PCOLCE: variants seen among roughly 807,000 people sequenced by gnomAD.
PCOLCE encodes procollagen C-endopeptidase enhancer 1.
PCOLCE carries 33 observed loss-of-function variants against 47.2 expected under a neutral mutation model. That is an observed-to-expected ratio of 0.70 (90% CI 0.53 to 0.93). The LOEUF (loss-of-function observed/expected upper bound fraction) is 0.93, where lower values mean the gene tolerates loss of function less well. PCOLCE is among the 40% of genes least tolerant of loss of function. The pLI is 0.00. For synonymous variants in PCOLCE, 254 were observed against 252.5 expected (o/e 1.01, Z -0.06); for missense variants, 584 against 585.3 (o/e 1.00, Z 0.02).
chr7:100,605,477 C>T lies in PCOLCE; in HGVS notation c.589-199C>T. 1.4e-6 allele frequency: 1 copy of T among 708,406 alleles called. No individual in the cohort carries two copies. Among genetic ancestry groups the T allele is most frequent in the Non-Finnish European group, 2.3e-6 (1 of 434,940 alleles). The allele number at this position is 708,406 out of a possible 1,614,324, so 43.9% of individuals were successfully genotyped here. On this transcript the variant is annotated intron_variant, in intron 4 of 8. Transcript: ENST00000223061. The surrounding 1 kb of genome is among the most constrained non-coding windows in gnomAD (Gnocchi z 6.1). The stretch of plus-strand genomic sequence containing the variant: ...GTGAGTGCGCCAGGACTTGACCTTG[C>T]CAACCACGACGACCGACACCCCTGC...
chr7:100,602,566 A>G lies in PCOLCE; in HGVS notation c.95+15A>G. 1 of 1,516,964 alleles carries G rather than the reference A, an allele frequency of 6.6e-7. No homozygotes were observed. Among genetic ancestry groups the G allele is most frequent in the East Asian group, 2.3e-5 (1 of 44,440 alleles). 94.0% of individuals were successfully genotyped at this position (1,516,964 alleles called of 1,614,324 possible). ...AACTACACCAGGTAGGTCTCTTGGC[A>G]TCTTCCAGACAGCTCCAGTGAACTT... On this transcript the variant is annotated intron_variant, in intron 1 of 8. Transcript: ENST00000223061.
chr7:100,607,964 T>C lies in PCOLCE; in HGVS notation c.1211T>C (p.Val404Ala), dbSNP rs868234072. The C allele has an allele frequency of 2.5e-6, 4 of 1,613,956 alleles. No individual in the cohort carries two copies. The highest frequency in any genetic ancestry group is 1.6e-4 in the Middle Eastern group (1 of 6,082). The change falls in exon 9 of 9, where the codon GTA becomes GCA. Residue 404 changes from valine (V) to alanine (A), a missense_variant. Physicochemically the swap from Val to Ala is moderately conservative, Grantham distance 64. Coordinates refer to ENST00000223061, the MANE Select transcript of PCOLCE (RefSeq NM_002593.4). ...KGVSYLLMGQ[V>A]EENRGPVLPP... ...GTCAGTTATCTGCTGATGGGCCAGG[T>C]AGAAGAGAACAGAGGCCCCGTCCTT...
In PCOLCE at chr7:100,604,296, GC is replaced by G; in HGVS notation, c.463+83del. ...AGCCCCGCCCCCAGCCCTAACCTCC[GC>G]CCCGCCCACCCCGCGCCCCAGTGCC... On this transcript the variant is annotated intron_variant, in intron 3 of 8. Transcript: ENST00000223061. The surrounding 1 kb of genome is among the most constrained non-coding windows in gnomAD (Gnocchi z 6.4). 8.2e-7 allele frequency: 1 copy of G among 1,215,634 alleles called. No individual in the cohort carries two copies. Among genetic ancestry groups the G allele is most frequent in the Non-Finnish European group, 1.1e-6 (1 of 928,356 alleles). The allele number at this position is 1,215,634 out of a possible 1,614,324, so 75.3% of individuals were successfully genotyped here.
At position 100,603,502 on chromosome 7, in the gene PCOLCE, C is replaced by G. The variant is rs559971460; in HGVS notation, c.168C>G (p.Leu56=). The G allele has an allele frequency of 7.6e-5, 121 of 1,602,626 alleles. No homozygotes were observed. The South Asian group carries it at 1.2e-3, about 16-fold the overall frequency. Residue 56 remains leucine (L), a synonymous_variant, in exon 2 of 9, where the codon CTC becomes CTG. Transcript: ENST00000223061. Reference sequence around the variant, plus strand: ...TGGCAAGTGAGGGGTTCCCCAACCTCTACCCCCCTAATAAGGAGTGCATCT... The same window carrying G: ...TGGCAAGTGAGGGGTTCCCCAACCTGTACCCCCCTAATAAGGAGTGCATCT... ...GYVASEGFPN[L]YPPNKECIWT... is the part of the protein sequence containing the mutation.
At chr7:100,606,811 G>C (rs953363715) in intron 6 of PCOLCE, among the ~76,000 whole-genome samples, 181 bp downstream of exon 6, 1 of 152,010 alleles carries the variant, frequency 6.6e-6, no homozygotes, top group Admixed American at 6.6e-5. Context: ...AAAAAATTAG[G>C]CTGGGCTGGT....
Position 100,607,590 on chromosome 7 carries a change from A to T in PCOLCE, c.1013-47A>T, listed in dbSNP as rs556657948. ...TCCTGCTTCTGTTTCCAGTCCTGCC[A>T]TCTGGAACCTCCCATCTCCTCATCT... On this transcript the variant is annotated intron_variant, in intron 7 of 8. Transcript: ENST00000223061. 8.5e-5 allele frequency: 136 copies of T among 1,606,296 alleles called. No individual in the cohort carries two copies. In the Admixed American group the frequency reaches 2.2e-3, roughly 25 times the overall value.
chr7:100,608,099 A>C lies in PCOLCE; in HGVS notation c.1346A>C (p.Asp449Ala). Residue 449 changes from aspartate (D) to alanine (A), a missense_variant, in exon 9 of 9, where the codon GAC (aspartate) becomes GCC (alanine). Coordinates refer to ENST00000223061, the MANE Select transcript of PCOLCE (RefSeq NM_002593.4). Reference protein sequence around the residue: ...SQPVRAAASQD With the variant: ...SQPVRAAASQA ...CCTGTGCGGGCTGCTGCGTCCCAGG[A>C]CTGAGACGCAGGCCAGCCCCGGCCC... 6.2e-7 allele frequency: 1 copy of C among 1,613,198 alleles called. No individual in the cohort carries two copies. The highest frequency in any genetic ancestry group is 8.5e-7 in the Non-Finnish European group (1 of 1,179,620).
chr7:100,603,607 A>ACCCCCCCCCC, intron 2 of PCOLCE, 69 bp downstream of exon 2: 1 of 543,272 alleles, frequency 1.8e-6, no homozygotes, highest in Non-Finnish European at 3.2e-6. Context: ...CTGCGAAGGG[A>ACCCCCCCCCC]CCCCCCCCCC....
chr7:100,605,370 C>A lies in PCOLCE; in HGVS notation c.588+155C>A. The A allele has an allele frequency of 1.3e-6, 1 of 767,160 alleles. No individual in the cohort carries two copies. Among genetic ancestry groups the A allele is most frequent in the Non-Finnish European group, 2.1e-6 (1 of 482,518 alleles). The allele number at this position is 767,160 out of a possible 1,614,324, so 47.5% of individuals were successfully genotyped here. On this transcript the variant is annotated intron_variant, in intron 4 of 8. Transcript: ENST00000223061. This position sits in a 1 kb window ranked among gnomAD's most constrained non-coding sequence, Gnocchi z 6.1. ...GCCCCAACCCCTGCATGCACGCAAACAAAAATGTAAAAATTACAACTGAGA... is the reference window on the plus strand; with the variant it reads ...GCCCCAACCCCTGCATGCACGCAAAAAAAAATGTAAAAATTACAACTGAGA...
Position 100,605,862 on chromosome 7 carries a change from G to C in PCOLCE, c.725+50G>C. 1.3e-6 allele frequency: 2 copies of C among 1,532,972 alleles called. No individual in the cohort carries two copies. The highest frequency in any genetic ancestry group is 1.8e-6 in the Non-Finnish European group (2 of 1,134,260). 95.0% of individuals were successfully genotyped at this position (1,532,972 alleles called of 1,614,324 possible). On this transcript the variant is annotated intron_variant, in intron 5 of 8. Coordinates refer to ENST00000223061, the MANE Select transcript of PCOLCE (RefSeq NM_002593.4). This position sits in a 1 kb window ranked among gnomAD's most constrained non-coding sequence, Gnocchi z 6.1. ...CCGGGAGAGAGTCGGCGGACCGCAC[G>C]CACGCGGCTGTTTGGAGGGGCGGGG...
chr7:100,603,774 C>A (rs868203908), intron 2 of PCOLCE, 185 bp from the exon 3 acceptor site: 10 of 661,310 alleles, frequency 1.5e-5, no homozygotes, highest in South Asian at 1.5e-4. Flanking sequence ...AAAGCCTCAG[C>A]TCTTGTCCCC....
intron 1 of PCOLCE, 127 bp from the exon 2 acceptor site, chr7:100,603,303 G>A: frequency 1.7e-6 from 1 of 584,460 alleles, no homozygotes; most frequent in South Asian, 2.2e-5. Flanking sequence ...GGTCTCTCAA[G>A]GCCTTTCCAT....
In PCOLCE at chr7:100,605,853, G is replaced by T. The variant is rs1312481207; in HGVS notation, c.725+41G>T. On this transcript the variant is annotated intron_variant, in intron 5 of 8. Transcript: ENST00000223061. This position sits in a 1 kb window ranked among gnomAD's most constrained non-coding sequence, Gnocchi z 6.1. Reference sequence around the variant, plus strand: ...TGGGCGAGTCCGGGAGAGAGTCGGCGGACCGCACGCACGCGGCTGTTTGGA... The same window carrying T: ...TGGGCGAGTCCGGGAGAGAGTCGGCTGACCGCACGCACGCGGCTGTTTGGA... 2 of 1,539,620 alleles carry T rather than the reference G, an allele frequency of 1.3e-6. No homozygotes were observed. Among genetic ancestry groups the T allele is most frequent in the South Asian group, 1.2e-5 (1 of 83,492 alleles).
Position 100,606,427 on chromosome 7 carries a change from C to T in PCOLCE, c.737C>T (p.Ser246Phe). 1 of 1,613,782 alleles carries T rather than the reference C, an allele frequency of 6.2e-7. No homozygotes were observed. Among genetic ancestry groups the T allele is most frequent in the Non-Finnish European group, 8.5e-7 (1 of 1,179,716 alleles). Residue 246 changes from serine to phenylalanine, a missense_variant, in exon 6 of 9, where the codon TCC becomes TTC. Physicochemically the swap from Ser to Phe is radical, Grantham distance 155. Coordinates refer to ENST00000223061, the MANE Select transcript of PCOLCE (RefSeq NM_002593.4). ...GTGGCCACCTGCAGCTCCATCTCCT[C>T]CGAAGGGAATGAACTCCTCGTCCAG... ...CGDAVPGSIS[S>F]EGNELLVQFV... is the part of the protein sequence containing the mutation.
In PCOLCE at chr7:100,607,490, A is replaced by G. The variant is rs149309227; in HGVS notation, c.979A>G (p.Thr327Ala). The change falls in exon 7 of 9, where the codon ACC becomes GCC. Residue 327 changes from threonine (T) to alanine (A), a missense_variant. Physicochemically the swap from Thr to Ala is moderately conservative, Grantham distance 58. Transcript: ENST00000223061. ...TCPKQCRRTGTLQSNFCASSL... is the reference protein window; with the variant it reads ...TCPKQCRRTGALQSNFCASSL... ...CCCAAAGCAGTGCCGCCGGACAGGC[A>G]CCTTGCAGAGCAACTTCTGTGCCAG... 89 of 1,614,108 alleles carry G rather than the reference A, an allele frequency of 5.5e-5. 2 individuals are homozygous for G. The African/African-American group carries it at 1.1e-3, about 20-fold the overall frequency.
At position 100,603,987 on chromosome 7, in the gene PCOLCE, C is replaced by A. The variant is rs751472246; in HGVS notation, c.233C>A (p.Ser78Ter). ...CCCGAGGGCCAGACTGTGTCCCTCTCATTCCGAGTCTTCGACCTGGAGCTG... is the reference window on the plus strand; with the variant it reads ...CCCGAGGGCCAGACTGTGTCCCTCTAATTCCGAGTCTTCGACCTGGAGCTG... Reference protein sequence around the residue: ...TVPEGQTVSLSFRVFDLELHP... With the variant: ...TVPEGQTVSL The change falls in exon 3 of 9, where the codon TCA becomes TAA. Residue 78 changes from serine (S) to a stop codon, truncating the protein, a stop_gained. Transcript: ENST00000223061. LOFTEE classifies it high-confidence loss of function. The A allele has an allele frequency of 6.2e-7, 1 of 1,602,926 alleles. No individual in the cohort carries two copies. The highest frequency in any genetic ancestry group is 8.5e-7 in the Non-Finnish European group (1 of 1,179,944).
chr7:100,605,129 G>A lies in PCOLCE; in HGVS notation c.502G>A (p.Gly168Arg). Residue 168 changes from glycine (G) to arginine (R), a missense_variant, in exon 4 of 9, where the codon GGA (glycine) becomes AGA (arginine). Transcript: ENST00000223061. The surrounding 1 kb of genome is among the most constrained non-coding windows in gnomAD (Gnocchi z 6.1). ...CGGGGGGCGGCTGGAGAAGGCCCAGGGAACCCTGACCACGCCCAACTGGCC... is the reference window on the plus strand; with the variant it reads ...CGGGGGGCGGCTGGAGAAGGCCCAGAGAACCCTGACCACGCCCAACTGGCC... The part of the protein sequence containing the change: ...FCGGRLEKAQ[G>R]TLTTPNWPES... The A allele has an allele frequency of 6.2e-7, 1 of 1,612,878 alleles. No individual in the cohort carries two copies. Among genetic ancestry groups the A allele is most frequent in the Non-Finnish European group, 8.5e-7 (1 of 1,179,638 alleles).
intron 5 of PCOLCE, 149 bp from the exon 6 acceptor site, chr7:100,606,267 T>G: frequency 1.7e-6 from 1 of 605,374 alleles, no homozygotes; most frequent in Non-Finnish European, 2.9e-6. Flanking sequence ...AGGTCAAGGC[T>G]GCAGTAAGCC....
chr7:100,604,079 G>A lies in PCOLCE; in HGVS notation c.325G>A (p.Gly109Arg). 1 of 1,608,794 alleles carries A rather than the reference G, an allele frequency of 6.2e-7. No homozygotes were observed. The highest frequency in any genetic ancestry group is 8.5e-7 in the Non-Finnish European group (1 of 1,179,932). Residue 109 changes from glycine to arginine, a missense_variant, in exon 3 of 9, where the codon GGA (glycine) becomes AGA (arginine). Gly to Arg is a moderately radical substitution (Grantham distance 125). Transcript: ENST00000223061. This position sits in a 1 kb window ranked among gnomAD's most constrained non-coding sequence, Gnocchi z 6.4. Reference sequence around the variant, plus strand: ...GTCTGGGACTTCCGGCCAGCGGCTCGGACGCTTTTGTGGGACCTTCCGGCC... The same window carrying A: ...GTCTGGGACTTCCGGCCAGCGGCTCAGACGCTTTTGTGGGACCTTCCGGCC... ...AGSGTSGQRL[G>R]RFCGTFRPAP...
Sources: allele counts gnomAD v4.1 joint callset (sites outside exome capture counted in the v4.1 genomes callset), GRCh38; gene constraint gnomAD v4.1.1; non-coding constraint Gnocchi (gnomAD v3.1); transcripts MANE v1.5; gene names NCBI Gene and HGNC (gene_info 2026-07-23, HGNC 2026-07-21).